The following SEC24D variants were observed in gnomAD, a reference collection of about 807,000 sequenced individuals.
SEC24D encodes the protein SEC24 homolog D, COPII component, also known as protein transport protein Sec24D.
In SEC24D, 69 loss-of-function variants were observed where a neutral mutation model predicts 116.9. The ratio of observed to expected loss-of-function variants is 0.59; its 90% CI spans 0.49 to 0.72. The LOEUF is 0.72. SEC24D is among the 30% of genes least tolerant of loss of function. SEC24D has a pLI of 0.00. For missense variants in SEC24D, 1,131 were observed against 1,264.1 expected, an observed-to-expected ratio of 0.89 and a Z score of 1.60; for synonymous variants, 405 against 442.8, an observed-to-expected ratio of 0.91 and a Z score of 1.07.
chr4:118,797,709 G>A lies in SEC24D; in HGVS notation c.1015C>T (p.Pro339Ser). The A allele has an allele frequency of 1.2e-6, 2 of 1,608,816 alleles. No homozygotes were observed. The highest frequency in any genetic ancestry group is 1.7e-6 in the Non-Finnish European group (2 of 1,176,326). Residue 339 changes from proline to serine, a missense_variant, in exon 8 of 23, where the codon CCC (proline) becomes TCC (serine). Pro to Ser is a moderately conservative substitution (Grantham distance 74). Transcript: ENST00000280551. ...AQIPLAAVIK[P>S]FATIPSNESP... Reference sequence around the variant, plus strand: ...TCATTTGAAGGAATGGTGGCAAAGGGCTTGATGACAGCAGCTAATGGAATC... The same window carrying A: ...TCATTTGAAGGAATGGTGGCAAAGGACTTGATGACAGCAGCTAATGGAATC...
At chr4:118,813,335 C>T (rs983011378) in intron 6 of SEC24D, among the ~76,000 whole-genome samples, 7 of 152,144 alleles carry the variant, frequency 4.6e-5, no homozygotes, top group Non-Finnish European at 8.8e-5. Flanking sequence ...CTGCTTAGTC[C>T]GTTTTTCATT....
chr4:118,769,532 G>A (rs1037208568), intron 8 of SEC24D, among the ~76,000 whole-genome samples: 1 of 152,072 alleles, frequency 6.6e-6, no homozygotes, highest in East Asian at 1.9e-4. Context: ...GAGGTCAGTG[G>A]GGTAGGGGCA....
In SEC24D at chr4:118,731,657, T is replaced by A. The variant is rs1341047561; in HGVS notation, c.2677-150A>T. 11 of 652,846 alleles carry A rather than the reference T, an allele frequency of 1.7e-5. No homozygotes were observed. In the East Asian group the frequency reaches 3.0e-4, roughly 18 times the overall value. 40.4% of individuals were successfully genotyped at this position (652,846 alleles called of 1,614,324 possible). On this transcript the variant is annotated intron_variant, in intron 20 of 22. Transcript: ENST00000280551. ...AGACTTTATTCCAGTCATTAGAAAA[T>A]AATCCCTACCTTGCACAGCAAATGG...
At chr4:118,729,043 C>T (rs1197227708) in intron 21 of SEC24D, 1 of 161,634 alleles carries the variant, frequency 6.2e-6, no homozygotes, top group Non-Finnish European at 1.3e-5. Flanking sequence ...TTTTTTTTGT[C>T]ATTATTCTGT....
rs1725527893 is a variant in SEC24D, at chr4:118,728,605, T to C, written c.2914A>G (p.Met972Val). Reference protein sequence around the residue: ...VGNPYSQQLRMIMGIIQQKRP... With the variant: ...VGNPYSQQLRVIMGIIQQKRP... Reference sequence around the variant, plus strand: ...TTTTGTTGGATAATACCCATTATCATTCTGAGTTGTTGAGAGTATGGGTTT... The same window carrying C: ...TTTTGTTGGATAATACCCATTATCACTCTGAGTTGTTGAGAGTATGGGTTT... The change falls in exon 22 of 23, where the codon ATG (methionine) becomes GTG (valine). Residue 972 changes from methionine (M) to valine (V), a missense_variant. Physicochemically the swap from Met to Val is conservative, Grantham distance 21. Coordinates refer to ENST00000280551, the MANE Select transcript of SEC24D (RefSeq NM_014822.4). The C allele has an allele frequency of 5.0e-6, 8 of 1,611,196 alleles. No individual in the cohort carries two copies. The South Asian group carries it at 7.7e-5, about 16-fold the overall frequency.
intron 13 of SEC24D, among the ~76,000 whole-genome samples, chr4:118,750,639 T>G (rs56385962): frequency 0.015 from 2,289 of 152,296 alleles, 35 homozygotes; most frequent in Non-Finnish European, 0.021. Flanking sequence ...ACATATGGAT[T>G]TCTAGATACC....
At chr4:118,746,197 A>AG (rs1726516760) in intron 13 of SEC24D, among the ~76,000 whole-genome samples, 1 of 93,794 alleles carries the variant, frequency 1.1e-5, no homozygotes, top group Non-Finnish European at 2.2e-5. Context: ...AAAGGAGGAA[A>AG]GAAGGAAGGA....
intron 14 of SEC24D, 25 bp downstream of exon 14, chr4:118,744,919 G>C (rs750391289): frequency 8.0e-7 from 1 of 1,246,500 alleles, no homozygotes; most frequent in Admixed American, 1.7e-5. Context: ...ATTGACATAT[G>C]GATACTCAAA....
In SEC24D at chr4:118,752,714, G is replaced by A; in HGVS notation, c.1596C>T (p.Ser532=). The change falls in exon 12 of 23, where the codon TCC becomes TCT. Residue 532 remains serine, a synonymous_variant. Transcript: ENST00000280551. The stretch of plus-strand genomic sequence containing the variant: ...ATATTTACTTATGAATCACAGATTG[G>A]GATTCTTGATAGTTGACAAGGAAAC... ...LDGFLVNYQE[S]QSVIHNLLDQ... 6.3e-7 allele frequency: 1 copy of A among 1,599,334 alleles called. No individual in the cohort carries two copies. The highest frequency in any genetic ancestry group is 8.5e-7 in the Non-Finnish European group (1 of 1,174,060).
In SEC24D at chr4:118,824,723, C is replaced by A; in HGVS notation, c.145G>T (p.Gly49Trp). 1 of 1,604,586 alleles carries A rather than the reference C, an allele frequency of 6.2e-7. No homozygotes were observed. Among genetic ancestry groups the A allele is most frequent in the African/African-American group, 1.3e-5 (1 of 74,406 alleles). Residue 49 changes from glycine to tryptophan, a missense_variant, in exon 3 of 23, where the codon GGG becomes TGG. Coordinates refer to ENST00000280551, the MANE Select transcript of SEC24D (RefSeq NM_014822.4). ...AACATTCCCCTAGTGGCGGTGGCCC[C>A]CAAAGGCCCTGCTGGCTTCATCATA... Reference protein sequence around the residue: ...TGMMKPAGPLGATATRGMLPP... With the variant: ...TGMMKPAGPLWATATRGMLPP...
At chr4:118,835,580 C>T (rs752161321) in intron 1 of SEC24D, among the ~76,000 whole-genome samples, 16 of 152,226 alleles carry the variant, frequency 1.1e-4, no homozygotes, top group Non-Finnish European at 2.1e-4. Flanking sequence ...ATGAATATTT[C>T]TAACATTTCC....
At chr4:118,772,531 T>C (rs1358170463) in intron 8 of SEC24D, among the ~76,000 whole-genome samples, 1 of 152,208 alleles carries the variant, frequency 6.6e-6, no homozygotes, top group Non-Finnish European at 1.5e-5. Flanking sequence ...GAAAAACTTA[T>C]TTTTAAAGTT....
rs781502766 is a variant in SEC24D at position 118,817,289 on chromosome 4, GAGCTGGCTGCCC to G, written c.360_371del (p.Gly121_Leu124del). On this transcript the variant is annotated inframe_deletion, in exon 4 of 23. Transcript: ENST00000280551. ...CATAGCTGTTGATTTGCATAGCACT[GAGCTGGCTGCCC>G]AGCTGGGTGACAGATGAAGTGGATA... 1.9e-6 allele frequency: 3 copies of G among 1,613,114 alleles called. No individual in the cohort carries two copies. The Admixed American group carries it at 5.0e-5, about 27-fold the overall frequency.
In SEC24D at chr4:118,728,597, C is replaced by A; in HGVS notation, c.2922G>T (p.Met974Ile). 1 of 1,609,938 alleles carries A rather than the reference C, an allele frequency of 6.2e-7. No individual in the cohort carries two copies. The highest frequency in any genetic ancestry group is 8.5e-7 in the Non-Finnish European group (1 of 1,177,256). ...NPYSQQLRMI[M>I]GIIQQKRPYS... Reference sequence around the variant, plus strand: ...ATGGCCTCTTTTGTTGGATAATACCCATTATCATTCTGAGTTGTTGAGAGT... The same window carrying A: ...ATGGCCTCTTTTGTTGGATAATACCAATTATCATTCTGAGTTGTTGAGAGT... The change falls in exon 22 of 23, where the codon ATG (methionine) becomes ATT (isoleucine). Residue 974 changes from methionine to isoleucine, a missense_variant. Coordinates refer to ENST00000280551, the MANE Select transcript of SEC24D (RefSeq NM_014822.4).
At chr4:118,809,968 G>C (rs1729833754) in intron 6 of SEC24D, among the ~76,000 whole-genome samples, 1 of 152,118 alleles carries the variant, frequency 6.6e-6, no homozygotes, top group African/African-American at 2.4e-5. Flanking sequence ...TAAAGGCAAA[G>C]GCCTTGAGGC....
intron 8 of SEC24D, among the ~76,000 whole-genome samples, chr4:118,781,055 G>T (rs1217936545): frequency 2.0e-5 from 3 of 151,236 alleles, no homozygotes; most frequent in Non-Finnish European, 2.9e-5. Context: ...TATCTAATTT[G>T]CCAGTCTGTG....
At chr4:118,757,558 A>G (rs2110462749) in intron 11 of SEC24D, among the ~76,000 whole-genome samples, 163 bp downstream of exon 11, 1 of 152,274 alleles carries the variant, frequency 6.6e-6, no homozygotes, top group African/African-American at 2.4e-5. Context: ...GATCACTCTA[A>G]CTTTCTAAGG....
At chr4:118,810,961 T>G (rs949932096) in intron 6 of SEC24D, among the ~76,000 whole-genome samples, 3 of 152,168 alleles carry the variant, frequency 2.0e-5, no homozygotes, top group African/African-American at 7.2e-5. Flanking sequence ...TGTAAAAGTT[T>G]CATTTCAAGG....
At chr4:118,768,094 T>A (rs1727723006) in intron 9 of SEC24D, 79 bp downstream of exon 9, 1 of 1,235,268 alleles carries the variant, frequency 8.1e-7, no homozygotes, top group Non-Finnish European at 1.1e-6. Context: ...AAAGAATGTA[T>A]GCTTCTCCTA....
Sources: gnomAD v4.1 joint callset for allele counts (sites outside exome capture counted in the v4.1 genomes callset) on GRCh38, gnomAD v4.1.1 for gene constraint, MANE v1.5 for transcripts, NCBI Gene and HGNC (gene_info 2026-07-23, HGNC 2026-07-21) for gene names.